Variants in PAX5 observed in about 807,000 individuals in gnomAD.
The protein encoded by PAX5 is paired box 5.
In PAX5, 9 loss-of-function variants were observed where a neutral mutation model predicts 43.7. The observed-to-expected ratio is 0.21, with a 90% CI of 0.12 to 0.36. The LOEUF (loss-of-function observed/expected upper bound fraction) is 0.36. PAX5 is among the 10% of genes least tolerant of loss of function. The pLI, the probability that PAX5 is intolerant of heterozygous loss-of-function variation, is 1.00. For synonymous variants in PAX5, 228 were observed against 214.3 expected (o/e 1.06, Z -0.56); for missense variants, 383 against 532.7 (o/e 0.72, Z 2.77).
chr9:36,989,010 C>T (rs3013733), intron 5 of PAX5, among the ~76,000 whole-genome samples: 39,780 of 152,140 alleles, frequency 0.26, 5,464 homozygotes, highest in Middle Eastern at 0.29. Context: ...AGTCTACTCA[C>T]GGTGCCACCT....
intron 7 of PAX5, among the ~76,000 whole-genome samples, chr9:36,921,530 C>T (rs1830170062): frequency 1.3e-5 from 2 of 152,200 alleles, no homozygotes; most frequent in South Asian, 2.1e-4. Context: ...TCTTGACAAG[C>T]CACTCAACTG....
At chr9:36,939,877 A>T (rs1326778741) in intron 6 of PAX5, among the ~76,000 whole-genome samples, 1 of 150,986 alleles carries the variant, frequency 6.6e-6, no homozygotes, top group Non-Finnish European at 1.5e-5. Context: ...GGCGCAGCAG[A>T]TTGGATGCCC....
At position 36,868,620 on chromosome 9, in the gene PAX5, G is replaced by T. The variant is rs557900400; in HGVS notation, c.1012+13384C>A. On this transcript the variant is annotated intron_variant, in intron 8 of 9. Transcript: ENST00000358127. ...CATCCCAGCAGGAAGAGCTCTTCCT[G>T]GGCCATAAAAGAACTCGAGTTAGGA... is the stretch of plus-strand genomic sequence containing the variant. Among the ~76,000 whole-genome samples the T allele has an allele frequency of 6.4e-4, 98 of 152,240 alleles. 2 individuals carry two copies. The South Asian group carries it at 0.02, about 32-fold the overall frequency.
At chr9:36,997,034 C>A (rs1014126855) in intron 5 of PAX5, among the ~76,000 whole-genome samples, 1 of 152,126 alleles carries the variant, frequency 6.6e-6, no homozygotes, top group Non-Finnish European at 1.5e-5. Context: ...ATGAGATGCA[C>A]CCCCAAAGAC....
intron 7 of PAX5, among the ~76,000 whole-genome samples, chr9:36,899,114 G>A (rs1189704268): frequency 1.3e-5 from 2 of 152,130 alleles, no homozygotes; most frequent in Non-Finnish European, 1.5e-5. Flanking sequence ...GCCCTAAATG[G>A]CTTGCTTTCC....
At chr9:36,975,727 CTG>C (rs1205655359) in intron 5 of PAX5, among the ~76,000 whole-genome samples, 8 of 152,164 alleles carry the variant, frequency 5.3e-5, no homozygotes, top group African/African-American at 1.9e-4. Context: ...ATTTTCTTAT[CTG>C]TAGAGTGGGA....
intron 7 of PAX5, among the ~76,000 whole-genome samples, chr9:36,903,000 C>G (rs897571455): frequency 6.6e-6 from 1 of 152,168 alleles, no homozygotes; most frequent in African/African-American, 2.4e-5. Context: ...TGGCCTGCCC[C>G]GGGACCTGGG....
intron 5 of PAX5, among the ~76,000 whole-genome samples, chr9:36,973,088 A>C (rs12379862): frequency 0.36 from 30,411 of 85,324 alleles, 4,523 homozygotes; most frequent in African/African-American, 0.42. Context: ...CGGAACGGAA[A>C]GGAAAGGAAA....
chr9:36,893,667 T>C (rs1432965914), intron 7 of PAX5: 3 of 154,266 alleles, frequency 1.9e-5, no homozygotes, highest in Non-Finnish European at 2.9e-5. Flanking sequence ...AAGTGACAGG[T>C]GGCAGGTGAG....
At chr9:36,880,468 C>A (rs575752842) in intron 8 of PAX5, among the ~76,000 whole-genome samples, 2 of 152,390 alleles carry the variant, frequency 1.3e-5, no homozygotes, top group South Asian at 4.1e-4. Flanking sequence ...TGCAGGCTCT[C>A]CCCAGTGCAT....
chr9:36,878,159 C>A (rs1826088407), intron 8 of PAX5, among the ~76,000 whole-genome samples: 1 of 152,192 alleles, frequency 6.6e-6, no homozygotes, highest in Non-Finnish European at 1.5e-5. Flanking sequence ...TGCTCCAGAA[C>A]TATAAGAGAA....
intron 8 of PAX5, among the ~76,000 whole-genome samples, chr9:36,864,069 G>A (rs4378045): frequency 0.26 from 40,143 of 152,108 alleles, 6,548 homozygotes; most frequent in African/African-American, 0.47. Flanking sequence ...AGATTGCACC[G>A]CTACATTCCA....
At chr9:37,002,294 G>C (rs936717672) in intron 5 of PAX5, among the ~76,000 whole-genome samples, 1 of 152,234 alleles carries the variant, frequency 6.6e-6, no homozygotes, top group Non-Finnish European at 1.5e-5. Flanking sequence ...AGTGGACTTG[G>C]GTGTGGAGCC....
chr9:36,866,069 C>G (rs950586802), intron 8 of PAX5, among the ~76,000 whole-genome samples: 10 of 152,200 alleles, frequency 6.6e-5, no homozygotes, highest in Non-Finnish European at 1.3e-4. Flanking sequence ...CAGGAAGGTG[C>G]CTCAAATCCA....
At chr9:36,891,730 A>G (rs373073472) in intron 7 of PAX5, among the ~76,000 whole-genome samples, 18 of 152,326 alleles carry the variant, frequency 1.2e-4, no homozygotes, top group African/African-American at 4.3e-4. Flanking sequence ...TTATTGACTT[A>G]GGAATAGTAA....
chr9:36,840,714 C>G (rs147585351), intron 9 of PAX5, 78 bp from the exon 10 acceptor site: 1 of 860,952 alleles, frequency 1.2e-6, no homozygotes, highest in Non-Finnish European at 1.8e-6. Context: ...CTGTCCTTTC[C>G]TCCCCTCACT....
At chr9:37,018,735 T>C (rs1839604828) in intron 2 of PAX5, among the ~76,000 whole-genome samples, 1 of 152,172 alleles carries the variant, frequency 6.6e-6, no homozygotes, top group Admixed American at 6.5e-5. Flanking sequence ...GAAATTCCAA[T>C]TTATTGTTGA....
intron 8 of PAX5, among the ~76,000 whole-genome samples, chr9:36,852,500 A>G (rs1823253925): frequency 6.6e-6 from 1 of 152,230 alleles, no homozygotes; most frequent in Admixed American, 6.5e-5. Flanking sequence ...GAGGAAAAAA[A>G]TGACGGCGAG....
chr9:36,932,041 G>A (rs1831174648), intron 6 of PAX5, among the ~76,000 whole-genome samples: 1 of 152,116 alleles, frequency 6.6e-6, no homozygotes, highest in African/African-American at 2.4e-5. Context: ...TTGGGAGGCT[G>A]AGGCAGGAGG....
Sources: gnomAD v4.1 joint callset for allele counts (sites outside exome capture counted in the v4.1 genomes callset) on GRCh38, gnomAD v4.1.1 for gene constraint, MANE v1.5 for transcripts, NCBI Gene and HGNC (gene_info 2026-07-23, HGNC 2026-07-21) for gene names.